DYDC2: variants seen among roughly 807,000 people sequenced by gnomAD.
DYDC2 encodes the protein DPY30 domain-containing protein 2.
In DYDC2, 19 loss-of-function variants were observed where a neutral mutation model predicts 18.7. The ratio of observed to expected loss-of-function variants is 1.02; its 90% CI spans 0.71 to 1.49. The LOEUF is 1.49. Among genes scored for constraint, DYDC2 ranks in the 40% most tolerant of loss-of-function variants. The probability of loss-of-function intolerance (pLI) is 0.00; values close to 1 mark genes in which losing one functional copy is unlikely to be tolerated. For synonymous variants in DYDC2, 63 were observed against 67.6 expected, an observed-to-expected ratio of 0.93 and a Z score of 0.34; for missense variants, 179 against 205.1, an observed-to-expected ratio of 0.87 and a Z score of 0.78.
In DYDC2 at chr10:80,359,407, A is replaced by G. The variant is rs151072345; in HGVS notation, c.-10+1362A>G. ...AGACATAAAGATTCTCCAAGTCTCC[A>G]CTAGACTCAGGAGCCCAAATGGCTT... On this transcript the variant is annotated intron_variant, in intron 2 of 4. Coordinates refer to ENST00000256039, the MANE Select transcript of DYDC2 (RefSeq NM_032372.6). 5.8e-4 allele frequency among the ~76,000 whole-genome samples: 89 copies of G among 152,350 alleles called. 2 individuals are homozygous for G. Among genetic ancestry groups the G allele is most frequent in the African/African-American group, 2.1e-3 (88 of 41,584 alleles).
chr10:80,355,209 G>C (rs1436138118), upstream of DYDC2, among the ~76,000 whole-genome samples: 1 of 151,954 alleles, frequency 6.6e-6, no homozygotes, highest in African/African-American at 2.4e-5. Context: ...GAATGCCACT[G>C]TGTCTAAACT....
intron 2 of DYDC2, among the ~76,000 whole-genome samples, chr10:80,359,893 A>G (rs748447442): frequency 2.6e-5 from 4 of 152,100 alleles, no homozygotes; most frequent in Admixed American, 1.3e-4. Flanking sequence ...CCCTGCAAGC[A>G]GAGCCGGCTC....
intron 2 of DYDC2, among the ~76,000 whole-genome samples, chr10:80,360,638 A>G (rs1843636129): frequency 6.6e-6 from 1 of 152,148 alleles, no homozygotes; most frequent in South Asian, 2.1e-4. Flanking sequence ...TCATATTTCC[A>G]TTATTCAAAA....
At chr10:80,363,511 A>T (rs1416663283) in intron 4 of DYDC2, among the ~76,000 whole-genome samples, 6 of 140,440 alleles carry the variant, frequency 4.3e-5, no homozygotes, top group African/African-American at 1.3e-4. Flanking sequence ...CGCCCGGCTA[A>T]TTTTTTTTTT....
chr10:80,367,211 A>T lies in DYDC2; in HGVS notation c.*260A>T, dbSNP rs1310169531. The T allele has an allele frequency of 5.1e-6, 2 of 393,182 alleles. No individual in the cohort carries two copies. The highest frequency in any genetic ancestry group is 9.0e-6 in the Non-Finnish European group (2 of 222,294). The allele number at this position is 393,182 out of a possible 1,614,324, so 24.4% of individuals were successfully genotyped here. A position where few individuals can be genotyped will look rare whatever the true frequency, so the allele number is the denominator to read the frequency against. ...TTTATCAACGTTTTGGAGACTACAC[A>T]ATGAAAACACATCTGTTGGGGTGAT... On this transcript the variant is annotated 3_prime_UTR_variant, in exon 5 of 5. Transcript: ENST00000256039.
chr10:80,350,343 G>T (rs1195285922), intron 1 of DYDC2, among the ~76,000 whole-genome samples: 1 of 152,162 alleles, frequency 6.6e-6, no homozygotes, highest in African/African-American at 2.4e-5. Flanking sequence ...CGATGTAATT[G>T]CCTAGGGGAA....
chr10:80,362,862 C>A, intron 3 of DYDC2, 89 bp from the exon 4 acceptor site: 1 of 1,506,858 alleles, frequency 6.6e-7, no homozygotes, highest in Non-Finnish European at 8.9e-7. Context: ...CCAAAGAGCC[C>A]ACAGCCCATA....
chr10:80,352,727 C>T, upstream of DYDC2: 1 of 1,275,808 alleles, frequency 7.8e-7, no homozygotes, highest in Non-Finnish European at 1.0e-6. Flanking sequence ...TCATGGACAC[C>T]TCCCATTGGG....
intron 2 of DYDC2, among the ~76,000 whole-genome samples, chr10:80,358,569 C>T (rs1383740385): frequency 2.0e-5 from 3 of 152,132 alleles, no homozygotes; most frequent in Non-Finnish European, 4.4e-5. Context: ...CCACATGTAA[C>T]CAGTGTGGCA....
At chr10:80,365,908 G>A (rs1480523060) in intron 4 of DYDC2, among the ~76,000 whole-genome samples, 1 of 151,606 alleles carries the variant, frequency 6.6e-6, no homozygotes, top group East Asian at 1.9e-4. Context: ...TTTCTCTGCT[G>A]ATACATCTTA....
chr10:80,365,137 T>A (rs1030501178), intron 4 of DYDC2, among the ~76,000 whole-genome samples: 6 of 152,144 alleles, frequency 3.9e-5, no homozygotes, highest in African/African-American at 1.2e-4. Flanking sequence ...GCTTTGCAGT[T>A]TTTTCCTTGA....
intron 2 of DYDC2, among the ~76,000 whole-genome samples, chr10:80,361,154 A>G (rs1285628708): frequency 2.6e-5 from 4 of 151,482 alleles, no homozygotes; most frequent in South Asian, 2.1e-4. Context: ...CCTTTGATCT[A>G]TAACAGTTAC....
intron 1 of DYDC2, chr10:80,344,944 C>T (rs1318643788): frequency 6.5e-6 from 1 of 153,942 alleles, no homozygotes; most frequent in African/African-American, 2.4e-5. Flanking sequence ...TGTAGAAACA[C>T]TGATTCAATA....
At position 80,360,763 on chromosome 10, in the gene DYDC2, CT is replaced by C. The variant is rs3038615; in HGVS notation, c.-9-1657del. On this transcript the variant is annotated intron_variant, in intron 2 of 4. Coordinates refer to ENST00000256039, the MANE Select transcript of DYDC2 (RefSeq NM_032372.6). The stretch of plus-strand genomic sequence containing the variant: ...TTCTTTCTTCTTCTTTTCTTTCTTT[CT>C]TTTTTTTTTTTTTTAGACAGGGTCT... Among the ~76,000 whole-genome samples the C allele has an allele frequency of 9.2e-3, 1,288 of 139,562 alleles. 4 individuals carry two copies. The highest frequency in any genetic ancestry group is 0.03 in the East Asian group (145 of 4,826). 91.6% of individuals were successfully genotyped at this position (139,562 alleles called of 152,430 possible).
At chr10:80,349,831 G>C (rs1332111737) in intron 1 of DYDC2, among the ~76,000 whole-genome samples, 1 of 152,066 alleles carries the variant, frequency 6.6e-6, no homozygotes, top group African/African-American at 2.4e-5. Context: ...AAACAAAAAA[G>C]CTCTTACTTC....
chr10:80,351,724 A>AAAACTCAT (rs1270899408), intron 1 of DYDC2, among the ~76,000 whole-genome samples: 1 of 152,344 alleles, frequency 6.6e-6, no homozygotes, highest in South Asian at 2.1e-4. Flanking sequence ...TGCACTCAGG[A>AAAACTCAT]AAACTCATGG....
chr10:80,358,944 C>T (rs1444094546), intron 2 of DYDC2, among the ~76,000 whole-genome samples: 2 of 152,174 alleles, frequency 1.3e-5, no homozygotes, highest in Non-Finnish European at 2.9e-5. Flanking sequence ...CAGACCTTTG[C>T]AGTGAGTGTT....
At chr10:80,357,578 C>G (rs959103099) in intron 1 of DYDC2, among the ~76,000 whole-genome samples, 1 of 152,142 alleles carries the variant, frequency 6.6e-6, no homozygotes, top group South Asian at 2.1e-4. Context: ...AGTTTCACAA[C>G]TCTGCACCTT....
chr10:80,345,497 A>C (rs1842560126), intron 1 of DYDC2, among the ~76,000 whole-genome samples: 1 of 152,144 alleles, frequency 6.6e-6, no homozygotes, highest in African/African-American at 2.4e-5. Context: ...TATCATCCTC[A>C]TGCTGTACTT....
Sources: gnomAD v4.1 joint callset for allele counts (sites outside exome capture counted in the v4.1 genomes callset) on GRCh38, gnomAD v4.1.1 for gene constraint, MANE v1.5 for transcripts, NCBI Gene and HGNC (gene_info 2026-07-23, HGNC 2026-07-21) for gene names.